Variants in SOX6 observed in about 807,000 individuals in gnomAD.
SOX6 encodes the protein SRY-box transcription factor 6, also known as transcription factor SOX-6.
Under a neutral mutation model 97.8 loss-of-function variants are expected in SOX6, and 11 were observed. The observed-to-expected ratio is 0.11, with a 90% CI of 0.07 to 0.19. The LOEUF is 0.19. Among genes scored for constraint, SOX6 ranks in the 10% least tolerant of loss-of-function variants. The pLI is 1.00. For missense variants in SOX6, 810 were observed against 1,039.5 expected (o/e 0.78, Z 3.04); for synonymous variants, 360 against 371.4 (o/e 0.97, Z 0.35).
chr11:16,092,341 C>A (rs1051503587), intron 9 of SOX6, among the ~76,000 whole-genome samples: 1 of 151,850 alleles, frequency 6.6e-6, no homozygotes, highest in Non-Finnish European at 1.5e-5. Context: ...AGAACTGATA[C>A]GCTTCCTTCC....
At chr11:16,064,447 T>C (rs1235626841) in intron 9 of SOX6, among the ~76,000 whole-genome samples, 1 of 151,344 alleles carries the variant, frequency 6.6e-6, no homozygotes, top group Non-Finnish European at 1.5e-5. Context: ...ATAAAAATCA[T>C]CTCTCAGAAT....
intron 9 of SOX6, among the ~76,000 whole-genome samples, chr11:16,064,751 T>A (rs1442298832): frequency 6.6e-6 from 1 of 151,788 alleles, no homozygotes; most frequent in Non-Finnish European, 1.5e-5. Flanking sequence ...ATCAACAGAA[T>A]GAAGAACAAA....
intron 6 of SOX6, among the ~76,000 whole-genome samples, chr11:16,173,952 C>T (rs1275918179): frequency 6.6e-6 from 1 of 151,348 alleles, no homozygotes; most frequent in African/African-American, 2.4e-5. Context: ...CTCAAGAGAT[C>T]CCCCTACCTC....
intron 1 of SOX6, among the ~76,000 whole-genome samples, chr11:16,383,695 G>A (rs533977650): frequency 2.0e-5 from 3 of 151,984 alleles, no homozygotes; most frequent in African/African-American, 7.2e-5. Flanking sequence ...AGAATTAAAT[G>A]GCATCACATG....
chr11:16,283,441 T>A (rs1040176161), intron 3 of SOX6, among the ~76,000 whole-genome samples: 1 of 151,670 alleles, frequency 6.6e-6, no homozygotes, highest in Non-Finnish European at 1.5e-5. Flanking sequence ...GAAAATTATG[T>A]TCAAAAGGTG....
At position 16,103,485 on chromosome 11, in the gene SOX6, A is replaced by G. The variant is rs376309824; in HGVS notation, c.899-5797T>C. Among the ~76,000 whole-genome samples, 5 of 152,118 alleles carry G rather than the reference A, an allele frequency of 3.3e-5. No homozygotes were observed. In the East Asian group the frequency reaches 7.7e-4, roughly 24 times the overall value. On this transcript the variant is annotated intron_variant, in intron 7 of 15. Transcript: ENST00000683767. ...AGAGTCCTTAAAGAACTAAAAGTAG[A>G]CCTACTGTTTGATCCAGCAATCCCA...
intron 6 of SOX6, among the ~76,000 whole-genome samples, chr11:16,174,206 A>C (rs186791461): frequency 2.5e-3 from 375 of 152,012 alleles, no homozygotes; most frequent in Non-Finnish European, 2.4e-3. Context: ...GCCACTGCAG[A>C]AAACTCAACT....
chr11:16,222,629 C>A (rs1283919673), intron 4 of SOX6, among the ~76,000 whole-genome samples: 1 of 152,072 alleles, frequency 6.6e-6, no homozygotes, highest in Non-Finnish European at 1.5e-5. Context: ...TTTGTGGGGT[C>A]CTCAATAAAA....
intron 1 of SOX6, among the ~76,000 whole-genome samples, chr11:16,343,249 A>G (rs1856688150): frequency 6.6e-6 from 1 of 151,982 alleles, no homozygotes. Flanking sequence ...TACTGACAAT[A>G]TCAATAATCA....
intron 4 of SOX6, among the ~76,000 whole-genome samples, chr11:16,210,037 G>C (rs1397186867): frequency 1.3e-5 from 2 of 152,068 alleles, no homozygotes; most frequent in Admixed American, 6.6e-5. Flanking sequence ...ATACACTACT[G>C]GTTGGAATGT....
At chr11:16,392,570 T>C (rs1253946447) in intron 1 of SOX6, among the ~76,000 whole-genome samples, 2 of 152,158 alleles carry the variant, frequency 1.3e-5, no homozygotes, top group Non-Finnish European at 2.9e-5. Context: ...TAAAACCTGT[T>C]CTTCCAAATG....
chr11:16,012,207 G>A lies in SOX6; in HGVS notation c.1732+2735C>T, dbSNP rs1018448625. Among the ~76,000 whole-genome samples, 6 of 151,976 alleles carry A rather than the reference G, an allele frequency of 3.9e-5. No homozygotes were observed. The East Asian group carries it at 5.8e-4, about 15-fold the overall frequency. ...ACTGTTAAGGGAAATATGAAGGAAC[G>A]AAGTAGAGAAAGTATCATATGTACC... On this transcript the variant is annotated intron_variant, in intron 13 of 15. Coordinates refer to ENST00000683767, the MANE Select transcript of SOX6 (RefSeq NM_001367873.1).
At chr11:16,029,914 G>A (rs985756234) in intron 12 of SOX6, among the ~76,000 whole-genome samples, 3 of 152,088 alleles carry the variant, frequency 2.0e-5, no homozygotes, top group Non-Finnish European at 4.4e-5. Context: ...ACAAAGAAGT[G>A]TATAACCTAG....
chr11:16,572,721 T>A (rs1847949883), intron 4 of SOX6, among the ~76,000 whole-genome samples: 1 of 152,212 alleles, frequency 6.6e-6, no homozygotes, highest in Admixed American at 6.5e-5. Flanking sequence ...GTCCACATGT[T>A]CATTTATATC....
At chr11:16,290,129 C>T (rs1854869516) in intron 3 of SOX6, among the ~76,000 whole-genome samples, 1 of 151,954 alleles carries the variant, frequency 6.6e-6, no homozygotes, top group Non-Finnish European at 1.5e-5. Flanking sequence ...TGTACTGTCT[C>T]TCAGACTATC....
intron 6 of SOX6, among the ~76,000 whole-genome samples, chr11:16,163,796 T>C (rs1027588599): frequency 5.3e-5 from 8 of 152,212 alleles, no homozygotes; most frequent in Non-Finnish European, 1.2e-4. Flanking sequence ...TCTTCCTCTG[T>C]GGTTCCTGTG....
chr11:16,363,822 G>T (rs1857273116), intron 1 of SOX6, among the ~76,000 whole-genome samples: 1 of 151,400 alleles, frequency 6.6e-6, no homozygotes, highest in African/African-American at 2.4e-5. Context: ...AAGTACGTTA[G>T]AAGTTATCTG....
Position 16,176,054 on chromosome 11 carries a change from C to T in SOX6, c.777+7832G>A, listed in dbSNP as rs552030635. 1.5e-3 allele frequency among the ~76,000 whole-genome samples: 201 copies of T among 132,296 alleles called. 1 individual carries two copies. The highest frequency in any genetic ancestry group is 5.4e-3 in the African/African-American group (193 of 35,816). 86.8% of individuals were successfully genotyped at this position (132,296 alleles called of 152,430 possible). ...CCAACCCTCAGGATGGATGGATGGA[C>T]GGACAGACGGACGGACGGATGGATG... On this transcript the variant is annotated intron_variant, in intron 6 of 15. Coordinates refer to ENST00000683767, the MANE Select transcript of SOX6 (RefSeq NM_001367873.1).
chr11:16,715,676 A>G (rs1048833965), intron 2 of SOX6, among the ~76,000 whole-genome samples: 1 of 152,138 alleles, frequency 6.6e-6, no homozygotes, highest in Non-Finnish European at 1.5e-5. Context: ...AGCAAAAAGT[A>G]CTATATATTC....
Sources: allele counts gnomAD v4.1 joint callset (sites outside exome capture counted in the v4.1 genomes callset), GRCh38; gene constraint gnomAD v4.1.1; transcripts MANE v1.5; gene names NCBI Gene and HGNC (gene_info 2026-07-23, HGNC 2026-07-21).